The following FIZ1 variants were observed in gnomAD, a reference collection of about 807,000 sequenced individuals.
FIZ1 encodes the protein FLT3 interacting zinc finger 1.
In FIZ1, 2 loss-of-function variants were observed where a neutral mutation model predicts 5.3. That is an observed-to-expected ratio of 0.37 (90% CI 0.15 to 1.18). The LOEUF (loss-of-function observed/expected upper bound fraction) is 1.18. Among genes scored for constraint, FIZ1 ranks in the 50% most tolerant of loss-of-function variants. FIZ1 has a pLI of 0.37. For missense variants in FIZ1, 631 were observed against 749.7 expected, an observed-to-expected ratio of 0.84 and a Z score of 1.85; for synonymous variants, 407 against 364.2, an observed-to-expected ratio of 1.12 and a Z score of -1.34.
rs780554507 is a variant in FIZ1 at position 55,592,475 on chromosome 19, A to T, written c.1466T>A (p.Leu489Gln). The stretch of plus-strand genomic sequence containing the variant: ...TCAGTCCATGCCCCGGTGCAGCTTC[A>T]GGTGCCTGGAGAGGTTGCTGAGCGT... ...FITLSNLSRHLKLHRGMD is the reference protein window; with the variant it reads ...FITLSNLSRHQKLHRGMD Residue 489 changes from leucine to glutamine, a missense_variant, in exon 3 of 3, where the codon CTG (leucine) becomes CAG (glutamine). Physicochemically the swap from Leu to Gln is moderately radical, Grantham distance 113. Around this residue, in one of 4 missense-constraint regions of FIZ1, gnomAD observed 61 missense variants for 96.9 expected, o/e 0.63. Coordinates refer to ENST00000221665, the MANE Select transcript of FIZ1 (RefSeq NM_032836.3). The surrounding 1 kb of genome is among the most constrained non-coding windows in gnomAD (Gnocchi z 6.9). 1 of 1,582,316 alleles carries T rather than the reference A, an allele frequency of 6.3e-7. No homozygotes were observed. The highest frequency in any genetic ancestry group is 8.6e-7 in the Non-Finnish European group (1 of 1,164,352).
chr19:55,592,641 G>A lies in FIZ1; in HGVS notation c.1300C>T (p.Leu434=), dbSNP rs780994361. The A allele has an allele frequency of 1.9e-6, 3 of 1,613,518 alleles. No homozygotes were observed. The highest frequency in any genetic ancestry group is 1.1e-5 in the South Asian group (1 of 91,084). The change falls in exon 3 of 3, where the codon CTG becomes TTG. Residue 434 remains leucine, a synonymous_variant. Transcript: ENST00000221665. This position sits in a 1 kb window ranked among gnomAD's most constrained non-coding sequence, Gnocchi z 6.9. ...RSPRDLERHV[L]VHTGEKPFPC... is the part of the protein sequence containing the mutation. ...AACGGCTTCTCGCCAGTGTGCACCA[G>A]CACGTGCCGCTCCAGGTCTCGCGGT...
At position 55,592,888 on chromosome 19, in the gene FIZ1, G is replaced by T; in HGVS notation, c.1053C>A (p.Ala351=). Residue 351 remains alanine, a synonymous_variant, in exon 3 of 3, where the codon GCC becomes GCA. Coordinates refer to ENST00000221665, the MANE Select transcript of FIZ1 (RefSeq NM_032836.3). The surrounding 1 kb of genome is among the most constrained non-coding windows in gnomAD (Gnocchi z 6.9). ...AGCCGTAGGTGGCCGGGCCCGAGTGGGCCTCCAGGTGACTGGCCAGGGCCG... is the reference window on the plus strand; with the variant it reads ...AGCCGTAGGTGGCCGGGCCCGAGTGTGCCTCCAGGTGACTGGCCAGGGCCG... ...SAAALASHLE[A]HSGPATYGCG... is the part of the protein sequence containing the mutation. 1 of 1,537,612 alleles carries T rather than the reference G, an allele frequency of 6.5e-7. No individual in the cohort carries two copies.
In FIZ1 at chr19:55,592,449, G is replaced by C; in HGVS notation, c.*1C>G. On this transcript the variant is annotated 3_prime_UTR_variant, in exon 3 of 3. Coordinates refer to ENST00000221665, the MANE Select transcript of FIZ1 (RefSeq NM_032836.3). This position sits in a 1 kb window ranked among gnomAD's most constrained non-coding sequence, Gnocchi z 6.9. ...AGGGCAGGGCGCACGCAGCCTGGCA[G>C]TCAGTCCATGCCCCGGTGCAGCTTC... 1 of 1,555,608 alleles carries C rather than the reference G, an allele frequency of 6.4e-7. No homozygotes were observed. The highest frequency in any genetic ancestry group is 8.7e-7 in the Non-Finnish European group (1 of 1,148,288).
chr19:55,596,514 C>T (rs1980333816), intron 2 of FIZ1, among the ~76,000 whole-genome samples: 1 of 152,186 alleles, frequency 6.6e-6, no homozygotes, highest in African/African-American at 2.4e-5. Flanking sequence ...TTCCTCAGGG[C>T]CTTTGCACTT....
intron 2 of FIZ1, chr19:55,595,682 A>G (rs1282080485): frequency 6.6e-6 from 1 of 152,266 alleles, no homozygotes; most frequent in Non-Finnish European, 1.5e-5. Flanking sequence ...CTGCTTCTCC[A>G]TGCTCCAGTC....
In FIZ1 at chr19:55,592,157, TG is replaced by T; in HGVS notation, c.*292del. 1 of 444,522 alleles carries T rather than the reference TG, an allele frequency of 2.2e-6. No individual in the cohort carries two copies. The highest frequency in any genetic ancestry group is 4.0e-6 in the Non-Finnish European group (1 of 250,588). The allele number at this position is 444,522 out of a possible 1,614,324, so 27.5% of individuals were successfully genotyped here. ...TGCTCACTGCAAAGTCCCCATGTCTTGGGGACTTACGGCTACCCACACTCAT... is the reference window on the plus strand; with the variant it reads ...TGCTCACTGCAAAGTCCCCATGTCTTGGGACTTACGGCTACCCACACTCAT... On this transcript the variant is annotated 3_prime_UTR_variant, in exon 3 of 3. Coordinates refer to ENST00000221665, the MANE Select transcript of FIZ1 (RefSeq NM_032836.3). This position sits in a 1 kb window ranked among gnomAD's most constrained non-coding sequence, Gnocchi z 6.9.
At position 55,593,569 on chromosome 19, in the gene FIZ1, G is replaced by C. The variant is rs1460250505; in HGVS notation, c.372C>G (p.Arg124=). The C allele has an allele frequency of 6.4e-6, 10 of 1,551,284 alleles. No individual in the cohort carries two copies. The highest frequency in any genetic ancestry group is 8.7e-6 in the Non-Finnish European group (10 of 1,146,984). ...LRFSSRSSLG[R]HLKRQHRGVL... ...CCCCACGGTGCTGGCGCTTGAGGTG[G>C]CGGCCCAGGCTGGAGCGTGAGGAGA... The change falls in exon 3 of 3, where the codon CGC becomes CGG. Residue 124 remains arginine (R), a synonymous_variant. Transcript: ENST00000221665. This position sits in a 1 kb window ranked among gnomAD's most constrained non-coding sequence, Gnocchi z 6.3.
intron 2 of FIZ1, among the ~76,000 whole-genome samples, chr19:55,597,310 A>G (rs1391428005): frequency 6.6e-6 from 1 of 152,220 alleles, no homozygotes; most frequent in African/African-American, 2.4e-5. Context: ...ATTGGCAGGG[A>G]GATGGGGCGG....
chr19:55,596,421 G>A (rs1206072134), intron 2 of FIZ1, among the ~76,000 whole-genome samples: 1 of 152,088 alleles, frequency 6.6e-6, no homozygotes, highest in Non-Finnish European at 1.5e-5. Flanking sequence ...GTGTGACCTA[G>A]CCCGTCCCAT....
intron 2 of FIZ1, among the ~76,000 whole-genome samples, chr19:55,595,909 G>A (rs1980305224): frequency 6.6e-6 from 1 of 152,114 alleles, no homozygotes; most frequent in Admixed American, 6.6e-5. Flanking sequence ...CAGATGTCTC[G>A]GCTGCAGCCT....
In FIZ1 at chr19:55,592,446, G is replaced by A; in HGVS notation, c.*4C>T. Reference sequence around the variant, plus strand: ...TGGAGGGCAGGGCGCACGCAGCCTGGCAGTCAGTCCATGCCCCGGTGCAGC... The same window carrying A: ...TGGAGGGCAGGGCGCACGCAGCCTGACAGTCAGTCCATGCCCCGGTGCAGC... On this transcript the variant is annotated 3_prime_UTR_variant, in exon 3 of 3. Transcript: ENST00000221665. This position sits in a 1 kb window ranked among gnomAD's most constrained non-coding sequence, Gnocchi z 6.9. 2 of 1,552,482 alleles carry A rather than the reference G, an allele frequency of 1.3e-6. No homozygotes were observed. The highest frequency in any genetic ancestry group is 1.7e-6 in the Non-Finnish European group (2 of 1,146,670).
At chr19:55,594,603 G>A (rs1292414546) in intron 2 of FIZ1, among the ~76,000 whole-genome samples, 4 of 146,738 alleles carry the variant, frequency 2.7e-5, no homozygotes, top group African/African-American at 7.6e-5. Flanking sequence ...AGGCTGAGGC[G>A]GGAGAATGGC....
intron 1 of FIZ1, 103 bp from the exon 2 acceptor site, chr19:55,598,004 C>T: frequency 8.1e-7 from 1 of 1,235,670 alleles, no homozygotes; most frequent in African/African-American, 1.5e-5. Flanking sequence ...GGGAGACCCT[C>T]CCACTGCCCA....
chr19:55,592,397 C>G lies in FIZ1; in HGVS notation c.*53G>C. 1.4e-6 allele frequency: 2 copies of G among 1,478,554 alleles called. No homozygotes were observed. Among genetic ancestry groups the G allele is most frequent in the Non-Finnish European group, 1.8e-6 (2 of 1,106,656 alleles). 91.6% of individuals were successfully genotyped at this position (1,478,554 alleles called of 1,614,324 possible). A position where few individuals can be genotyped will look rare whatever the true frequency, so the allele number is the denominator to read the frequency against. ...ACGCGCAGTCCCGAGGTCCCCTGGT[C>G]CAGGCCGAGTCCAGGAGGCTGGGTG... On this transcript the variant is annotated 3_prime_UTR_variant, in exon 3 of 3. Coordinates refer to ENST00000221665, the MANE Select transcript of FIZ1 (RefSeq NM_032836.3). The surrounding 1 kb of genome is among the most constrained non-coding windows in gnomAD (Gnocchi z 6.9).
In FIZ1 at chr19:55,593,733, C is replaced by T; in HGVS notation, c.295-87G>A. Reference sequence around the variant, plus strand: ...CCTGGACTCCCAGAGGGTTGTGGCACAAGCTCTCTGTCACACCTACAGGGC... The same window carrying T: ...CCTGGACTCCCAGAGGGTTGTGGCATAAGCTCTCTGTCACACCTACAGGGC... On this transcript the variant is annotated intron_variant, in intron 2 of 2. Coordinates refer to ENST00000221665, the MANE Select transcript of FIZ1 (RefSeq NM_032836.3). The surrounding 1 kb of genome is among the most constrained non-coding windows in gnomAD (Gnocchi z 6.3). The T allele has an allele frequency of 8.0e-7, 1 of 1,244,222 alleles. No individual in the cohort carries two copies. The highest frequency in any genetic ancestry group is 1.1e-6 in the Non-Finnish European group (1 of 875,134). The allele number at this position is 1,244,222 out of a possible 1,614,324, so 77.1% of individuals were successfully genotyped here. A position where few individuals can be genotyped will look rare whatever the true frequency, so the allele number is the denominator to read the frequency against.
At chr19:55,598,711 C>G (rs921542707) in intron 1 of FIZ1, 2 of 152,200 alleles carry the variant, frequency 1.3e-5, no homozygotes, top group African/African-American at 2.4e-5. Flanking sequence ...TTCCAAAACT[C>G]CACCCAATTT....
At position 55,593,811 on chromosome 19, in the gene FIZ1, A is replaced by T. The variant is rs577162610; in HGVS notation, c.295-165T>A. 1.3e-5 allele frequency among the ~76,000 whole-genome samples: 2 copies of T among 152,212 alleles called. No individual in the cohort carries two copies. Among genetic ancestry groups the T allele is most frequent in the African/African-American group, 4.8e-5 (2 of 41,520 alleles). ...CACTCTCTGTTTGGGGTCACGGTAG[A>T]TTCTTTCGGTCCTTAAAAAGGCCAT... On this transcript the variant is annotated intron_variant, in intron 2 of 2. Transcript: ENST00000221665. The surrounding 1 kb of genome is among the most constrained non-coding windows in gnomAD (Gnocchi z 6.3).
In FIZ1 at chr19:55,592,063, T is replaced by C. The variant is rs1407134441; in HGVS notation, c.*387A>G. 5 of 201,702 alleles carry C rather than the reference T, an allele frequency of 2.5e-5. No individual in the cohort carries two copies. In the East Asian group the frequency reaches 5.7e-4, roughly 23 times the overall value. 12.5% of individuals were successfully genotyped at this position (201,702 alleles called of 1,614,324 possible). A position where few individuals can be genotyped will look rare whatever the true frequency, so the allele number is the denominator to read the frequency against. On this transcript the variant is annotated 3_prime_UTR_variant, in exon 3 of 3. Coordinates refer to ENST00000221665, the MANE Select transcript of FIZ1 (RefSeq NM_032836.3). The surrounding 1 kb of genome is among the most constrained non-coding windows in gnomAD (Gnocchi z 6.9). Reference sequence around the variant, plus strand: ...TCTCAGGGAATGGGGCAGTCTTCCCTTGGTGGGGGTGGGTGCCCATCTTTT... The same window carrying C: ...TCTCAGGGAATGGGGCAGTCTTCCCCTGGTGGGGGTGGGTGCCCATCTTTT...
At chr19:55,594,696 C>CAAAA (rs71181796) in intron 2 of FIZ1, among the ~76,000 whole-genome samples, 11 of 86,914 alleles carry the variant, frequency 1.3e-4, no homozygotes, top group Admixed American at 1.4e-4. Flanking sequence ...GACTCTGTCT[C>CAAAA]AAAAAAAAAA....
Sources: gnomAD v4.1 joint callset for allele counts (sites outside exome capture counted in the v4.1 genomes callset) on GRCh38, gnomAD v4.1.1 for gene constraint, gnomAD v4.1.1 regional missense constraint, Gnocchi (gnomAD v3.1) non-coding constraint, MANE v1.5 for transcripts, NCBI Gene and HGNC (gene_info 2026-07-23, HGNC 2026-07-21) for gene names.